The following AMZ1 variants were observed in gnomAD, a reference collection of about 807,000 sequenced individuals.
The protein encoded by AMZ1 is archaemetzincin-1.
AMZ1 carries 39 observed loss-of-function variants against 29.9 expected under a neutral mutation model. The ratio of observed to expected loss-of-function variants is 1.30; its 90% confidence interval spans 1.01 to 1.70. The LOEUF (loss-of-function observed/expected upper bound fraction) is 1.70, where lower values mean the gene tolerates loss of function less well. Ranked by LOEUF, AMZ1 falls within the 40% of genes most tolerant of loss-of-function variation. The pLI is 0.00. For missense variants in AMZ1, 1,041 were observed against 680.6 expected (o/e 1.53, Z -5.89); for synonymous variants, 458 against 304.0 (o/e 1.51, Z -5.27).
chr7:2,700,344 C>G lies in AMZ1; in HGVS notation c.-108C>G, dbSNP rs1787973827. 1 of 1,348,636 alleles carries G rather than the reference C, an allele frequency of 7.4e-7. No homozygotes were observed. The highest frequency in any genetic ancestry group is 1.0e-6 in the Non-Finnish European group (1 of 1,003,094). The allele number at this position is 1,348,636 out of a possible 1,614,324, so 83.5% of individuals were successfully genotyped here. On this transcript the variant is annotated 5_prime_UTR_variant, in exon 2 of 7. Coordinates refer to ENST00000683327, the MANE Select transcript of AMZ1 (RefSeq NM_001384743.1). Reference sequence around the variant, plus strand: ...GTCTGCAGGGAGCCCCCGGTAGCCACTCGGATCAGCCCGAGGGAAGATTCT... The same window carrying G: ...GTCTGCAGGGAGCCCCCGGTAGCCAGTCGGATCAGCCCGAGGGAAGATTCT...
Position 2,717,453 on chromosome 7 carries a change from G to A in AMZ1, c.*4575G>A, listed in dbSNP as rs111568450. Among the ~76,000 whole-genome samples the A allele has an allele frequency of 6.6e-6, 1 of 152,194 alleles. No individual in the cohort carries two copies. The highest frequency in any genetic ancestry group is 2.4e-5 in the African/African-American group (1 of 41,452). ...TGGGAGAGGCCCCGGGAACCGGCTCGCCCTGTACCCAAGGGCTCTCTGGAG... is the reference window on the plus strand; with the variant it reads ...TGGGAGAGGCCCCGGGAACCGGCTCACCCTGTACCCAAGGGCTCTCTGGAG... On this transcript the variant is annotated 3_prime_UTR_variant, in exon 7 of 7. Transcript: ENST00000683327.
At chr7:2,701,602 T>G (rs1452256558) in intron 2 of AMZ1, among the ~76,000 whole-genome samples, 63 of 152,166 alleles carry the variant, frequency 4.1e-4, no homozygotes, top group Non-Finnish European at 4.4e-5. Flanking sequence ...GCCAGCTCTG[T>G]GCCTCTCACA....
chr7:2,694,685 T>A (rs1296829753), intron 1 of AMZ1, among the ~76,000 whole-genome samples: 2 of 151,118 alleles, frequency 1.3e-5, no homozygotes, highest in Non-Finnish European at 2.9e-5. Context: ...TATTTATTTT[T>A]TTTTTGAGAT....
chr7:2,748,296 T>C (rs1790865440), intron 4 of AMZ1, among the ~76,000 whole-genome samples: 1 of 152,174 alleles, frequency 6.6e-6, no homozygotes, highest in Non-Finnish European at 1.5e-5. Flanking sequence ...AGCATGGTAC[T>C]GGTACCAAAA....
intron 4 of AMZ1, among the ~76,000 whole-genome samples, chr7:2,738,392 CTG>C (rs922968604): frequency 2.0e-5 from 3 of 152,182 alleles, no homozygotes; most frequent in African/African-American, 7.2e-5. Flanking sequence ...CTTGAGGAAA[CTG>C]TGATCTCCAC....
downstream of AMZ1, among the ~76,000 whole-genome samples, chr7:2,721,928 C>T (rs1294288241): frequency 1.3e-5 from 2 of 152,214 alleles, no homozygotes; most frequent in Non-Finnish European, 1.5e-5. Flanking sequence ...CATATCTTAA[C>T]CTCGTACACT....
At chr7:2,723,763 TCA>T (rs559685312), downstream of AMZ1, among the ~76,000 whole-genome samples, 391 of 152,340 alleles carry the variant, frequency 2.6e-3, no homozygotes, top group African/African-American at 8.9e-3. Flanking sequence ...AACCCTGTTC[TCA>T]GAGACTCCCT....
rs11389467 is a variant in AMZ1, at chr7:2,737,289, G to GTT, written n.551-27407_551-27406dup. 3.9e-3 allele frequency among the ~76,000 whole-genome samples: 244 copies of GTT among 62,274 alleles called. 4 individuals carry two copies. The highest frequency in any genetic ancestry group is 0.01 in the Middle Eastern group (1 of 100). The allele number at this position is 62,274 out of a possible 152,430, so 40.9% of individuals were successfully genotyped here. ...GTTTTGTTTTGTTTTTTTTTTTTTT[G>GTT]TTTTTTTTTTTTTTTTTGAGATGGA... On this transcript the variant is annotated intron_variant and non_coding_transcript_variant, in intron 4 of 4. Coordinates refer to the AMZ1 transcript ENST00000489665.
Position 2,712,876 on chromosome 7 carries a change from T to G in AMZ1, c.1495T>G (p.Ter499GluextTer20), listed in dbSNP as rs1407068428. ...CCGTCCCTGGGATGGGGAAGAGAGT[T>G]AGTACAGCAGGGGCTGCCCTACGTC... ...APRPWDGEES[*>E] Residue 499 changes from the stop codon to glutamate, a stop_lost, in exon 7 of 7, where the codon TAG (stop) becomes GAG (glutamate). Coordinates refer to ENST00000683327, the MANE Select transcript of AMZ1 (RefSeq NM_001384743.1). 2.6e-6 allele frequency: 4 copies of G among 1,518,256 alleles called. No individual in the cohort carries two copies. The highest frequency in any genetic ancestry group is 2.3e-5 in the East Asian group (1 of 43,870). The allele number at this position is 1,518,256 out of a possible 1,614,324, so 94.0% of individuals were successfully genotyped here.
At chr7:2,759,161 A>AAATAAATC (rs1179224559) in intron 4 of AMZ1, among the ~76,000 whole-genome samples, 1 of 147,642 alleles carries the variant, frequency 6.8e-6, no homozygotes, top group Non-Finnish European at 1.5e-5. Context: ...ATAAATAAAT[A>AAATAAATC]AATAAATAAA....
intron 4 of AMZ1, among the ~76,000 whole-genome samples, chr7:2,747,447 A>T (rs1005169863): frequency 6.6e-6 from 1 of 152,222 alleles, no homozygotes; most frequent in Non-Finnish European, 1.5e-5. Context: ...TAGATGCAGA[A>T]AAGGCCTTTG....
intron 1 of AMZ1, among the ~76,000 whole-genome samples, chr7:2,695,628 G>T (rs2115073437): frequency 6.6e-6 from 1 of 152,084 alleles, no homozygotes; most frequent in Non-Finnish European, 1.5e-5. Context: ...CAGGAGGACT[G>T]CTTGAGCCCA....
In AMZ1 at chr7:2,717,897, C is replaced by T. The variant is rs1219241802; in HGVS notation, c.*5019C>T. Among the ~76,000 whole-genome samples, 3 of 152,190 alleles carry T rather than the reference C, an allele frequency of 2.0e-5. No individual in the cohort carries two copies. The highest frequency in any genetic ancestry group is 4.4e-5 in the Non-Finnish European group (3 of 68,034). On this transcript the variant is annotated 3_prime_UTR_variant, in exon 7 of 7. Coordinates refer to ENST00000683327, the MANE Select transcript of AMZ1 (RefSeq NM_001384743.1). ...TCCAAGAAGCGTCCTGGGGTCACCA[C>T]GCGTTCAGTCCAACTCTTCCCCGCT...
chr7:2,754,267 C>T (rs995006770), intron 4 of AMZ1, among the ~76,000 whole-genome samples: 3 of 152,146 alleles, frequency 2.0e-5, no homozygotes, highest in Admixed American at 6.5e-5. Flanking sequence ...TGCTTATGTG[C>T]CATCGGCATG....
At chr7:2,694,062 G>A (rs908205587) in intron 1 of AMZ1, among the ~76,000 whole-genome samples, 2 of 152,180 alleles carry the variant, frequency 1.3e-5, no homozygotes, top group East Asian at 1.9e-4. Flanking sequence ...TCATGAGTCC[G>A]CTGAACTGGG....
intron 4 of AMZ1, chr7:2,728,307 A>C (rs1384855187): frequency 6.6e-6 from 1 of 152,264 alleles, no homozygotes; most frequent in Non-Finnish European, 1.5e-5. Context: ...AGAACCCCTA[A>C]ATTAGTTACA....
intron 4 of AMZ1, among the ~76,000 whole-genome samples, chr7:2,749,526 G>A (rs1174521703): frequency 6.7e-6 from 1 of 149,042 alleles, no homozygotes; most frequent in Non-Finnish European, 1.5e-5. Context: ...TAGGGGGAGG[G>A]GGGAGGGATA....
chr7:2,751,824 A>G (rs1422861727), intron 4 of AMZ1, among the ~76,000 whole-genome samples: 1 of 152,236 alleles, frequency 6.6e-6, no homozygotes, highest in African/African-American at 2.4e-5. Context: ...ATGAAATAGA[A>G]AATTTGAACA....
At chr7:2,683,680 C>T (rs111237047), upstream of AMZ1, among the ~76,000 whole-genome samples, 2,473 of 152,156 alleles carry the variant, frequency 0.016, 63 homozygotes, top group African/African-American at 0.056. Flanking sequence ...CCTCGTGATC[C>T]GCCTGCCTTG....
Sources: allele counts gnomAD v4.1 joint callset (sites outside exome capture counted in the v4.1 genomes callset), GRCh38; gene constraint gnomAD v4.1.1; transcripts MANE v1.5; gene names NCBI Gene and HGNC (gene_info 2026-07-23, HGNC 2026-07-21).